MLLT10: variants seen among roughly 807,000 people sequenced by gnomAD.
MLLT10 encodes the protein protein AF-10.
A neutral mutation model predicts 129.1 loss-of-function variants in MLLT10; 30 were observed. The observed-to-expected ratio is 0.23, with a 90% CI of 0.17 to 0.32. MLLT10 has a LOEUF of 0.32. MLLT10 is among the 10% of genes least tolerant of loss of function. MLLT10 has a pLI of 1.00. For missense variants in MLLT10, 1,119 were observed against 1,268.3 expected, an observed-to-expected ratio of 0.88 and a Z score of 1.79; for synonymous variants, 490 against 446.4, an observed-to-expected ratio of 1.10 and a Z score of -1.23.
chr10:21,688,905 CATG>C (rs1478404241), intron 13 of MLLT10, among the ~76,000 whole-genome samples: 2 of 152,094 alleles, frequency 1.3e-5, no homozygotes, highest in African/African-American at 4.8e-5. Context: ...GTTTTATAAT[CATG>C]ATAACTCTCT....
chr10:21,570,796 C>G (rs1286515075), intron 3 of MLLT10, among the ~76,000 whole-genome samples: 1 of 152,016 alleles, frequency 6.6e-6, no homozygotes, highest in Non-Finnish European at 1.5e-5. Flanking sequence ...TCTGCTAATT[C>G]TCTTTTCTGT....
At chr10:21,679,723 T>C (rs925512904) in intron 11 of MLLT10, among the ~76,000 whole-genome samples, 2 of 152,314 alleles carry the variant, frequency 1.3e-5, no homozygotes, top group South Asian at 4.1e-4. Context: ...CTTGAGACCA[T>C]AGTATTTGGA....
chr10:21,648,932 A>C (rs2048763242), intron 8 of MLLT10, among the ~76,000 whole-genome samples: 1 of 151,686 alleles, frequency 6.6e-6, no homozygotes, highest in Non-Finnish European at 1.5e-5. Context: ...CACAGGAAAA[A>C]CCCACCCCTA....
chr10:21,723,113 T>A (rs2057247124), intron 14 of MLLT10, among the ~76,000 whole-genome samples: 1 of 152,148 alleles, frequency 6.6e-6, no homozygotes, highest in Non-Finnish European at 1.5e-5. Context: ...TTGCCAGCCA[T>A]CTTTTAAAAA....
At chr10:21,650,542 C>A (rs1467900955) in intron 8 of MLLT10, among the ~76,000 whole-genome samples, 1 of 151,720 alleles carries the variant, frequency 6.6e-6, no homozygotes, top group African/African-American at 2.4e-5. Flanking sequence ...TGTATGTAAA[C>A]CTTTTTAGGA....
chr10:21,690,321 C>T (rs2053730172), intron 13 of MLLT10, among the ~76,000 whole-genome samples: 1 of 151,984 alleles, frequency 6.6e-6, no homozygotes, highest in African/African-American at 2.4e-5. Context: ...ACTGTGGAAA[C>T]ATTCACTGTC....
intron 13 of MLLT10, among the ~76,000 whole-genome samples, chr10:21,693,376 GA>G (rs71393921): frequency 4.6e-4 from 68 of 148,260 alleles, no homozygotes; most frequent in African/African-American, 1.1e-3. Flanking sequence ...TTCCCAGGGG[GA>G]AAAAAAAAAC....
At chr10:21,586,630 G>A (rs2042009361) in intron 4 of MLLT10, among the ~76,000 whole-genome samples, 2 of 152,164 alleles carry the variant, frequency 1.3e-5, no homozygotes, top group Non-Finnish European at 2.9e-5. Context: ...GCTCACACCT[G>A]TAATCCCAGC....
At chr10:21,576,878 G>A (rs1350315619) in intron 3 of MLLT10, among the ~76,000 whole-genome samples, 4 of 151,572 alleles carry the variant, frequency 2.6e-5, no homozygotes, top group Admixed American at 6.6e-5. Context: ...TGAATCGCCC[G>A]CCTCGGCCTC....
At chr10:21,620,166 G>A (rs997184412) in intron 8 of MLLT10, among the ~76,000 whole-genome samples, 9 of 152,078 alleles carry the variant, frequency 5.9e-5, no homozygotes, top group Non-Finnish European at 1.2e-4. Context: ...CTGACCTCGT[G>A]ATCCACCTGC....
chr10:21,689,384 G>A (rs1319480175), intron 13 of MLLT10, among the ~76,000 whole-genome samples: 2 of 151,458 alleles, frequency 1.3e-5, no homozygotes, highest in Non-Finnish European at 2.9e-5. Flanking sequence ...TCAGCTGAAG[G>A]AATGAGCTAT....
intron 5 of MLLT10, among the ~76,000 whole-genome samples, chr10:21,601,020 T>C (rs533998022): frequency 6.6e-6 from 1 of 152,268 alleles, no homozygotes; most frequent in East Asian, 1.9e-4. Flanking sequence ...TACAGCTCAC[T>C]GTAGCTTCTA....
At position 21,733,489 on chromosome 10, in the gene MLLT10, CTT is replaced by C; in HGVS notation, c.2408-12_2408-11del. ...ATAGGGTAAATAGGTTTCTTTTTGT[CTT>C]TTATTATTCTAGCTCCTACTACTGA... is the stretch of plus-strand genomic sequence containing the variant. On this transcript the variant is annotated splice_polypyrimidine_tract_variant and intron_variant, in intron 18 of 22. Transcript: ENST00000307729. The C allele has an allele frequency of 1.4e-6, 2 of 1,459,566 alleles. No individual in the cohort carries two copies. Among genetic ancestry groups the C allele is most frequent in the Non-Finnish European group, 1.8e-6 (2 of 1,097,420 alleles). The allele number at this position is 1,459,566 out of a possible 1,614,324, so 90.4% of individuals were successfully genotyped here.
intron 5 of MLLT10, chr10:21,595,655 C>CTT: frequency 2.3e-6 from 1 of 435,002 alleles, no homozygotes; most frequent in Non-Finnish European, 4.1e-6. Context: ...TTATAGTAAC[C>CTT]TAGGTATTTA....
chr10:21,537,820 C>T (rs1271525122), intron 2 of MLLT10, among the ~76,000 whole-genome samples: 1 of 152,146 alleles, frequency 6.6e-6, no homozygotes, highest in Non-Finnish European at 1.5e-5. Context: ...TTTCATATTT[C>T]TGCCTAGCAA....
intron 13 of MLLT10, among the ~76,000 whole-genome samples, chr10:21,695,379 A>G (rs1478202923): frequency 6.6e-6 from 1 of 152,144 alleles, no homozygotes; most frequent in Admixed American, 6.5e-5. Context: ...CAGCTAACCA[A>G]TAGCCTTAAT....
chr10:21,545,089 G>A (rs2035860652), intron 3 of MLLT10, among the ~76,000 whole-genome samples: 1 of 152,138 alleles, frequency 6.6e-6, no homozygotes, highest in South Asian at 2.1e-4. Context: ...AGGTTGTGGT[G>A]AGCCGAGATC....
At chr10:21,615,741 A>G (rs932269860) in intron 7 of MLLT10, among the ~76,000 whole-genome samples, 2 of 152,072 alleles carry the variant, frequency 1.3e-5, no homozygotes, top group Non-Finnish European at 2.9e-5. Flanking sequence ...CTTCAGAAAA[A>G]TATATTTAAA....
At chr10:21,596,744 A>G (rs1008630371) in intron 5 of MLLT10, among the ~76,000 whole-genome samples, 7 of 151,660 alleles carry the variant, frequency 4.6e-5, no homozygotes, top group Non-Finnish European at 8.8e-5. Context: ...TTGACCTTCC[A>G]TATCTGTTTA....
Sources: gnomAD v4.1 joint callset for allele counts (sites outside exome capture counted in the v4.1 genomes callset) on GRCh38, gnomAD v4.1.1 for gene constraint, MANE v1.5 for transcripts, NCBI Gene and HGNC (gene_info 2026-07-23, HGNC 2026-07-21) for gene names.